HERC2: variants seen among roughly 807,000 people sequenced by gnomAD.
HERC2 encodes E3 ubiquitin-protein ligase HERC2.
In HERC2, 102 loss-of-function variants were observed where a neutral mutation model predicts 537.7. That is an observed-to-expected ratio of 0.19 (90% CI 0.16 to 0.22). The LOEUF (loss-of-function observed/expected upper bound fraction) is 0.22, where lower values mean the gene tolerates loss of function less well. Ranked by LOEUF, HERC2 falls within the 10% of genes least tolerant of loss-of-function variation. HERC2 has a pLI of 1.00. For synonymous variants in HERC2, 2,224 were observed against 2,466.2 expected (o/e 0.90, Z 2.91); for missense variants, 4,236 against 6,198.2 (o/e 0.68, Z 10.63).
At chr15:28,194,344 G>A (rs1454111578) in intron 52 of HERC2, among the ~76,000 whole-genome samples, 1 of 148,678 alleles carries the variant, frequency 6.7e-6, no homozygotes, top group African/African-American at 2.5e-5. Context: ...GATTACAGGT[G>A]TGGATCACAA....
At chr15:28,254,258 G>T in intron 20 of HERC2, 82 bp downstream of exon 20, 1 of 990,564 alleles carries the variant, frequency 1.0e-6, no homozygotes, top group African/African-American at 1.7e-5. Flanking sequence ...ACTCCGGCCT[G>T]GGCAACAAGA....
intron 23 of HERC2, 25 bp downstream of exon 23, chr15:28,245,856 G>A: frequency 6.3e-7 from 1 of 1,598,336 alleles, no homozygotes; most frequent in Admixed American, 1.7e-5. Context: ...ACTTTCCTCA[G>A]TAAAACTCCT....
At chr15:28,309,247 C>T (rs1411404941) in intron 2 of HERC2, among the ~76,000 whole-genome samples, 5 of 152,222 alleles carry the variant, frequency 3.3e-5, no homozygotes, top group African/African-American at 1.2e-4. Flanking sequence ...CTGTCCAATG[C>T]TGAAAGTGGA....
chr15:28,115,583 G>A (rs1888137522), intron 88 of HERC2, 42 bp from the exon 89 acceptor site: 16 of 1,496,808 alleles, frequency 1.1e-5, no homozygotes, highest in African/African-American at 2.8e-5. Context: ...ACTTCAAAAG[G>A]ATGACAAAAC....
intron 10 of HERC2, among the ~76,000 whole-genome samples, chr15:28,269,951 GTGTT>G (rs2075672067): frequency 1.3e-5 from 2 of 152,336 alleles, no homozygotes; most frequent in South Asian, 2.1e-4. Flanking sequence ...AGCACTATTT[GTGTT>G]TGTTTTTGTT....
rs1902170297 is a variant in HERC2, at chr15:28,234,090, T to C, written c.4198A>G (p.Ile1400Val). The stretch of plus-strand genomic sequence containing the variant: ...CTCACCTTCACGTTGTGATCCTGAA[T>C]GTTGTTGTCTGCAATGGCTTGCAGA... ...AFLQAIADNN[I>V]QDHNVKDFLC... is the part of the protein sequence containing the mutation. Residue 1400 changes from isoleucine (I) to valine (V), a missense_variant, in exon 27 of 93, where the codon ATT (isoleucine) becomes GTT (valine). By Grantham distance (29) the Ile-to-Val change is conservative. This residue lies in a region of HERC2 where 94 missense variants were observed against 174.9 expected (regional missense o/e 0.54). Transcript: ENST00000261609. 1 of 748,376 alleles carries C rather than the reference T, an allele frequency of 1.3e-6. No individual in the cohort carries two copies. The allele number at this position is 748,376 out of a possible 1,614,324, so 46.4% of individuals were successfully genotyped here. A position where few individuals can be genotyped will look rare whatever the true frequency, so the allele number is the denominator to read the frequency against.
At chr15:28,301,843 A>G (rs1398324000) in intron 2 of HERC2, among the ~76,000 whole-genome samples, 1 of 140,048 alleles carries the variant, frequency 7.1e-6, no homozygotes, top group African/African-American at 2.7e-5. Flanking sequence ...TTCTGGCACT[A>G]AGCTGGAGTG....
chr15:28,164,270 G>C (rs902138428), intron 68 of HERC2, among the ~76,000 whole-genome samples: 1 of 152,152 alleles, frequency 6.6e-6, no homozygotes, highest in African/African-American at 2.4e-5. Context: ...CAGGCTGGGG[G>C]AAGGACAGCC....
chr15:28,199,780 C>G (rs1357370025), intron 48 of HERC2, among the ~76,000 whole-genome samples: 1 of 152,152 alleles, frequency 6.6e-6, no homozygotes, highest in Non-Finnish European at 1.5e-5. Flanking sequence ...GAGATTCAGC[C>G]TGGTCCAATC....
chr15:28,295,524 A>G (rs963911497), intron 3 of HERC2, among the ~76,000 whole-genome samples: 2 of 152,222 alleles, frequency 1.3e-5, no homozygotes, highest in African/African-American at 2.4e-5. Flanking sequence ...CTCAGCCCCC[A>G]AGGAGCTGGG....
At chr15:28,309,396 G>A (rs892846266) in intron 2 of HERC2, among the ~76,000 whole-genome samples, 1 of 152,020 alleles carries the variant, frequency 6.6e-6, no homozygotes, top group Non-Finnish European at 1.5e-5. Flanking sequence ...TTGCTGAATT[G>A]GCCCCTTTAT....
chr15:28,169,021 T>C (rs1244707132), intron 66 of HERC2, among the ~76,000 whole-genome samples: 1 of 152,232 alleles, frequency 6.6e-6, no homozygotes, highest in Non-Finnish European at 1.5e-5. Flanking sequence ...CTAATTTTCC[T>C]ATGTAAGGAC....
At chr15:28,206,778 A>G (rs1468444149) in intron 44 of HERC2, among the ~76,000 whole-genome samples, 1 of 135,502 alleles carries the variant, frequency 7.4e-6, no homozygotes. Context: ...GCTTGCAGTG[A>G]GCTGAGATTG....
intron 68 of HERC2, 60 bp from the exon 69 acceptor site, chr15:28,163,345 C>G (rs1348244892): frequency 2.3e-5 from 34 of 1,479,530 alleles, no homozygotes; most frequent in Non-Finnish European, 3.0e-5. Context: ...GATAAAGAGT[C>G]ACCAGTTTAC....
At chr15:28,121,643 C>A (rs533587640) in intron 85 of HERC2, among the ~76,000 whole-genome samples, 32 of 152,250 alleles carry the variant, frequency 2.1e-4, no homozygotes, top group Admixed American at 1.8e-3. Context: ...TGCCAATGGC[C>A]GGGCAAGAGG....
Position 28,310,097 on chromosome 15 carries a change from G to A in HERC2, c.73-10581C>T, listed in dbSNP as rs1297144271. Among the ~76,000 whole-genome samples, 4 of 152,162 alleles carry A rather than the reference G, an allele frequency of 2.6e-5. No individual in the cohort carries two copies. The East Asian group carries it at 7.7e-4, about 29-fold the overall frequency. On this transcript the variant is annotated intron_variant, in intron 2 of 92. Transcript: ENST00000261609. ...AGGCAAGAGAATCACTTGTGCCCAG[G>A]AGTTTAAAACCAATCTAGGCAACAT...
intron 72 of HERC2, 21 bp from the exon 73 acceptor site, chr15:28,144,256 C>A: frequency 6.2e-7 from 1 of 1,610,408 alleles, no homozygotes; most frequent in South Asian, 1.1e-5. Flanking sequence ...ACACTGTAAA[C>A]ATCCCCGGGT....
chr15:28,126,619 G>C (rs1460871378), intron 83 of HERC2, among the ~76,000 whole-genome samples: 1 of 152,186 alleles, frequency 6.6e-6, no homozygotes, highest in Non-Finnish European at 1.5e-5. Context: ...TCTAAGTAAA[G>C]TAACTCAGGA....
chr15:28,163,201 G>T lies in HERC2; in HGVS notation c.10639C>A (p.Arg3547Ser). Reference sequence around the variant, plus strand: ...AGCTTGAGCAGGTCTACCACCACACGAGTGTCATCCGCAATCAGCAGACTG... The same window carrying T: ...AGCTTGAGCAGGTCTACCACCACACTAGTGTCATCCGCAATCAGCAGACTG... The part of the protein sequence containing the change: ...FTSLLIADDT[R>S]VVVDLLKLSV... The change falls in exon 69 of 93, where the codon CGT becomes AGT. Residue 3547 changes from arginine to serine, a missense_variant. This residue lies in a region of HERC2 where 356 missense variants were observed against 450.9 expected (regional missense o/e 0.79). Transcript: ENST00000261609. The T allele has an allele frequency of 6.2e-7, 1 of 1,613,850 alleles. No homozygotes were observed. Among genetic ancestry groups the T allele is most frequent in the Non-Finnish European group, 8.5e-7 (1 of 1,180,032 alleles).
Sources: allele counts gnomAD v4.1 joint callset (sites outside exome capture counted in the v4.1 genomes callset), GRCh38; gene constraint gnomAD v4.1.1; regional missense constraint gnomAD v4.1.1; transcripts MANE v1.5; gene names NCBI Gene and HGNC (gene_info 2026-07-23, HGNC 2026-07-21).